The following RGS17 variants were observed in gnomAD, a reference collection of about 807,000 sequenced individuals.
RGS17 encodes regulator of G-protein signaling 17.
In RGS17, 12 loss-of-function variants were observed where a neutral mutation model predicts 25.5. The observed-to-expected ratio is 0.47, with a 90% CI of 0.30 to 0.76. RGS17 has a LOEUF of 0.76. Ranked by LOEUF, RGS17 falls within the 30% of genes least tolerant of loss-of-function variation. RGS17 has a pLI of 0.07. For missense variants in RGS17, 196 were observed against 242.2 expected (o/e 0.81, Z 1.27); for synonymous variants, 71 against 76.9 (o/e 0.92, Z 0.40).
intron 1 of RGS17, among the ~76,000 whole-genome samples, chr6:153,122,981 A>T (rs1304412926): frequency 6.7e-6 from 1 of 150,366 alleles, no homozygotes; most frequent in East Asian, 2.0e-4. Context: ...TCCAATGTAC[A>T]TTGGAGTACA....
intron 1 of RGS17, among the ~76,000 whole-genome samples, chr6:153,056,373 AAG>A (rs1389499491): frequency 6.6e-6 from 1 of 152,186 alleles, no homozygotes; most frequent in Admixed American, 6.5e-5. Context: ...TGCACAGGAT[AAG>A]AGGATATGCA....
At chr6:153,105,835 T>G (rs1584159617) in intron 1 of RGS17, among the ~76,000 whole-genome samples, 1 of 152,176 alleles carries the variant, frequency 6.6e-6, no homozygotes, top group Non-Finnish European at 1.5e-5. Context: ...GGAGGAGCCA[T>G]GCAAAAATCT....
intron 1 of RGS17, among the ~76,000 whole-genome samples, chr6:153,095,327 T>C (rs1777193244): frequency 6.6e-6 from 1 of 152,126 alleles, no homozygotes; most frequent in Non-Finnish European, 1.5e-5. Flanking sequence ...TAGATATTTT[T>C]TTAAAACTGA....
intron 4 of RGS17, among the ~76,000 whole-genome samples, chr6:153,017,518 C>A (rs1779196952): frequency 6.6e-6 from 1 of 152,008 alleles, no homozygotes; most frequent in Admixed American, 6.6e-5. Flanking sequence ...TGAAGGAGGA[C>A]ATGAAGGTGG....
intron 1 of RGS17, among the ~76,000 whole-genome samples, chr6:153,078,001 G>A (rs1421195245): frequency 2.0e-5 from 3 of 151,956 alleles, no homozygotes. Flanking sequence ...AGCCTCCCAA[G>A]TAGTTGGGAT....
chr6:153,128,350 CAGAGTTGG>C (rs1020020835), intron 1 of RGS17, among the ~76,000 whole-genome samples: 68 of 152,284 alleles, frequency 4.5e-4, no homozygotes, highest in African/African-American at 1.5e-3. Context: ...GTTAAGTAAG[CAGAGTTGG>C]AGAGTATCAG....
intron 2 of RGS17, among the ~76,000 whole-genome samples, chr6:153,033,780 A>C (rs1776188974): frequency 1.3e-5 from 2 of 152,254 alleles, no homozygotes; most frequent in South Asian, 4.1e-4. Context: ...AATCATCAGA[A>C]TCTTCTATAC....
At chr6:153,096,136 C>T (rs981345467) in intron 1 of RGS17, among the ~76,000 whole-genome samples, 1 of 152,140 alleles carries the variant, frequency 6.6e-6, no homozygotes, top group Non-Finnish European at 1.5e-5. Flanking sequence ...GGAGTGGCTT[C>T]TCCAAGTCAT....
intron 1 of RGS17, among the ~76,000 whole-genome samples, chr6:153,094,677 A>G (rs1435186636): frequency 6.6e-6 from 1 of 152,194 alleles, no homozygotes; most frequent in Non-Finnish European, 1.5e-5. Context: ...TCGATATGTC[A>G]GTAATTTGAA....
rs1777768443 is a variant in RGS17, at chr6:153,130,332, G to C, written c.-26+792C>G. Among the ~76,000 whole-genome samples the C allele has an allele frequency of 6.6e-6, 1 of 152,118 alleles. No homozygotes were observed. The highest frequency in any genetic ancestry group is 2.4e-5 in the African/African-American group (1 of 41,436). On this transcript the variant is annotated intron_variant, in intron 1 of 4. Coordinates refer to ENST00000206262, the MANE Select transcript of RGS17 (RefSeq NM_012419.5). The surrounding 1 kb of genome is among the most constrained non-coding windows in gnomAD (Gnocchi z 6.4). ...AGGCTCCGATGCGCCCACCCGGGCAGCGACTCGCGGTTGGTGGGCGTTCCT... is the reference window on the plus strand; with the variant it reads ...AGGCTCCGATGCGCCCACCCGGGCACCGACTCGCGGTTGGTGGGCGTTCCT...
intron 2 of RGS17, among the ~76,000 whole-genome samples, chr6:153,034,572 G>A (rs1395876253): frequency 6.6e-6 from 1 of 152,142 alleles, no homozygotes; most frequent in African/African-American, 2.4e-5. Context: ...GCATTTTACT[G>A]AGGAAGAAAC....
chr6:153,049,629 T>C (rs909242238), intron 1 of RGS17, among the ~76,000 whole-genome samples: 2 of 152,028 alleles, frequency 1.3e-5, no homozygotes, highest in Non-Finnish European at 2.9e-5. Flanking sequence ...CGGGCGACTG[T>C]AGTCCCAACT....
chr6:153,029,066 C>T (rs114856243), intron 2 of RGS17, among the ~76,000 whole-genome samples: 1,555 of 152,246 alleles, frequency 0.01, 37 homozygotes, highest in African/African-American at 0.035. Flanking sequence ...GCGATCATTA[C>T]GAAATATTAG....
intron 1 of RGS17, among the ~76,000 whole-genome samples, chr6:153,128,395 T>C (rs1337523266): frequency 1.3e-5 from 2 of 152,226 alleles, no homozygotes; most frequent in East Asian, 1.9e-4. Context: ...AGAAATGTGG[T>C]TGAATGGACT....
At chr6:153,057,395 A>G (rs906531812) in intron 1 of RGS17, among the ~76,000 whole-genome samples, 1 of 152,130 alleles carries the variant, frequency 6.6e-6, no homozygotes, top group Non-Finnish European at 1.5e-5. Flanking sequence ...TTAAACTTAC[A>G]AATATAAACA....
chr6:153,098,589 G>A (rs1777251767), intron 1 of RGS17, among the ~76,000 whole-genome samples: 1 of 152,124 alleles, frequency 6.6e-6, no homozygotes, highest in African/African-American at 2.4e-5. Context: ...GGGAAGTCCT[G>A]TGCTACTTTG....
intron 4 of RGS17, 136 bp from the exon 5 acceptor site, chr6:153,011,898 T>TAATGATACGGCGACCACC: frequency 1.7e-6 from 1 of 600,382 alleles, no homozygotes; most frequent in Non-Finnish European, 2.8e-6. Flanking sequence ...GTTCATCTTT[T>TAATGATACGGCGACCACC]GAGACTACAC....
At chr6:153,046,865 C>T (rs143198957) in intron 1 of RGS17, among the ~76,000 whole-genome samples, 1 of 152,088 alleles carries the variant, frequency 6.6e-6, no homozygotes, top group African/African-American at 2.4e-5. Flanking sequence ...GAAAACAAAA[C>T]AGAACAAAGC....
intron 1 of RGS17, among the ~76,000 whole-genome samples, chr6:153,116,418 AAAC>A (rs1196280119): frequency 2.0e-5 from 3 of 152,180 alleles, no homozygotes; most frequent in South Asian, 2.1e-4. Flanking sequence ...AAAAGTCAGG[AAAC>A]AACAGATGCT....
Sources: gnomAD v4.1 joint callset for allele counts (sites outside exome capture counted in the v4.1 genomes callset) on GRCh38, gnomAD v4.1.1 for gene constraint, Gnocchi (gnomAD v3.1) non-coding constraint, MANE v1.5 for transcripts, NCBI Gene and HGNC (gene_info 2026-07-23, HGNC 2026-07-21) for gene names.